The following CTNNA3 variants were observed in gnomAD, a reference collection of about 807,000 sequenced individuals.
The protein encoded by CTNNA3 is catenin alpha 3, also known as catenin alpha-3.
CTNNA3 carries 76 observed loss-of-function variants against 95.7 expected under a neutral mutation model. That is an observed-to-expected ratio of 0.79 (90% CI 0.66 to 0.96). CTNNA3 has a LOEUF of 0.96. CTNNA3 is among the 40% of genes least tolerant of loss of function. CTNNA3 has a pLI of 0.00. For missense variants in CTNNA3, 1,191 were observed against 1,089.8 expected (o/e 1.09, Z -1.31); for synonymous variants, 431 against 374.4 (o/e 1.15, Z -1.74).
chr10:66,685,277 ATATATAAG>A (rs1847228498), intron 9 of CTNNA3, among the ~76,000 whole-genome samples: 5 of 51,446 alleles, frequency 9.7e-5, no homozygotes, highest in Admixed American at 3.2e-4. Flanking sequence ...ATATATACGT[ATATATAAG>A]TATATATATG....
intron 7 of CTNNA3, among the ~76,000 whole-genome samples, chr10:66,776,707 A>G (rs1217822433): frequency 3.3e-5 from 5 of 152,152 alleles, no homozygotes; most frequent in African/African-American, 1.2e-4. Flanking sequence ...CTGAAGTCCT[A>G]TCTACTCCTC....
intron 12 of CTNNA3, among the ~76,000 whole-genome samples, chr10:66,358,600 G>A (rs10997078): frequency 1.3e-5 from 2 of 152,290 alleles, no homozygotes; most frequent in East Asian, 3.9e-4. Context: ...GCCTGACCTA[G>A]TGGGAAAATC....
intron 7 of CTNNA3, among the ~76,000 whole-genome samples, chr10:67,087,865 C>A (rs1023008744): frequency 6.6e-6 from 1 of 151,920 alleles, no homozygotes; most frequent in African/African-American, 2.4e-5. Flanking sequence ...TTCATTCATT[C>A]AATAAATACA....
chr10:66,073,065 T>C (rs572071771), intron 14 of CTNNA3, among the ~76,000 whole-genome samples: 60 of 152,016 alleles, frequency 3.9e-4, no homozygotes, highest in African/African-American at 1.3e-3. Context: ...ATATGCAGAA[T>C]CTAAAAACGG....
chr10:66,504,210 C>G (rs1191208046), intron 11 of CTNNA3, among the ~76,000 whole-genome samples: 1 of 152,100 alleles, frequency 6.6e-6, no homozygotes, highest in African/African-American at 2.4e-5. Flanking sequence ...CCAGTCCTCT[C>G]CCTTTACCAG....
chr10:66,191,953 A>G (rs891839928), intron 13 of CTNNA3, among the ~76,000 whole-genome samples: 3 of 152,138 alleles, frequency 2.0e-5, no homozygotes, highest in African/African-American at 7.2e-5. Flanking sequence ...GAATGGGTTT[A>G]TCCTAAGTGA....
At chr10:66,082,874 T>C (rs537271845) in intron 14 of CTNNA3, among the ~76,000 whole-genome samples, 9 of 152,150 alleles carry the variant, frequency 5.9e-5, no homozygotes, top group Admixed American at 3.9e-4. Flanking sequence ...TTCTCATCTT[T>C]CCTGTGTGTT....
At chr10:67,498,738 C>T (rs896496440) in intron 5 of CTNNA3, among the ~76,000 whole-genome samples, 2 of 152,010 alleles carry the variant, frequency 1.3e-5, no homozygotes, top group Non-Finnish European at 2.9e-5. Context: ...CTCTGTTTGC[C>T]TATTATTGGC....
At chr10:66,747,267 G>A (rs1838924045) in intron 9 of CTNNA3, among the ~76,000 whole-genome samples, 1 of 152,120 alleles carries the variant, frequency 6.6e-6, no homozygotes, top group African/African-American at 2.4e-5. Flanking sequence ...CACTCAGTCT[G>A]TTAACAAGGT....
rs183634854 is a variant in CTNNA3, at chr10:66,422,529, C to T, written c.1532-43177G>A. 3.1e-3 allele frequency among the ~76,000 whole-genome samples: 472 copies of T among 149,902 alleles called. 2 individuals are homozygous for T. The highest frequency in any genetic ancestry group is 0.011 in the African/African-American group (454 of 39,834). ...TGATCTTTTTGTTTCTTTTTCAAAA[C>T]AAGAAGCTATTTTTTTTTCAAAACA... On this transcript the variant is annotated intron_variant, in intron 11 of 17. Transcript: ENST00000433211.
At chr10:66,767,015 T>G (rs1839887647) in intron 8 of CTNNA3, among the ~76,000 whole-genome samples, 1 of 152,222 alleles carries the variant, frequency 6.6e-6, no homozygotes, top group Non-Finnish European at 1.5e-5. Flanking sequence ...TCTGCTACAA[T>G]TAGTTCTTTT....
chr10:67,005,680 A>ATTTTTTTTTTTTTTTTT (rs1564825972), intron 7 of CTNNA3, among the ~76,000 whole-genome samples: 2 of 26,398 alleles, frequency 7.6e-5, no homozygotes, highest in African/African-American at 1.4e-4. Flanking sequence ...ATTTTACTCC[A>ATTTTTTTTTTTTTTTTT]TCTTTTTTTT....
rs560218608 is a variant in CTNNA3, at chr10:67,713,500, C to T, written c.-2+49934G>A. Among the ~76,000 whole-genome samples the T allele has an allele frequency of 5.9e-5, 9 of 152,290 alleles. No homozygotes were observed. In the East Asian group the frequency reaches 7.7e-4, roughly 13 times the overall value. On this transcript the variant is annotated intron_variant, in intron 1 of 17. Coordinates refer to the CTNNA3 transcript ENST00000684154. ...ACATGCACACATATGTTTATTGCAGCGCTATTCACAATAGCAAAGACTTGG... is the reference window on the plus strand; with the variant it reads ...ACATGCACACATATGTTTATTGCAGTGCTATTCACAATAGCAAAGACTTGG...
At chr10:66,340,588 A>G (rs1189526787) in intron 12 of CTNNA3, among the ~76,000 whole-genome samples, 1 of 151,780 alleles carries the variant, frequency 6.6e-6, no homozygotes, top group Non-Finnish European at 1.5e-5. Context: ...ATTCATTACT[A>G]CTAACCCTAT....
chr10:66,482,812 C>A (rs993689633), intron 11 of CTNNA3, among the ~76,000 whole-genome samples: 45 of 152,084 alleles, frequency 3.0e-4, no homozygotes, highest in Non-Finnish European at 7.4e-5. Context: ...AAAAACACAG[C>A]TCAGTTGGGA....
intron 10 of CTNNA3, among the ~76,000 whole-genome samples, chr10:66,605,136 A>T (rs1844073439): frequency 6.6e-6 from 1 of 152,176 alleles, no homozygotes; most frequent in Non-Finnish European, 1.5e-5. Context: ...GAGCTAAAAA[A>T]CACACTACAA....
chr10:67,702,112 C>A (rs1263904434), intron 1 of CTNNA3, among the ~76,000 whole-genome samples: 1 of 152,022 alleles, frequency 6.6e-6, no homozygotes, highest in East Asian at 1.9e-4. Flanking sequence ...GCAGGAGCAC[C>A]CAGATTCATA....
At chr10:65,984,078 T>C in intron 16 of CTNNA3, among the ~76,000 whole-genome samples, 1 of 151,308 alleles carries the variant, frequency 6.6e-6, no homozygotes, top group Non-Finnish European at 1.5e-5. Flanking sequence ...ATTTCAAATC[T>C]AATGTTAGTT....
intron 1 of CTNNA3, among the ~76,000 whole-genome samples, chr10:67,708,107 G>C (rs1404913281): frequency 6.6e-6 from 1 of 152,018 alleles, no homozygotes; most frequent in Non-Finnish European, 1.5e-5. Flanking sequence ...CATTAGCTTT[G>C]TTGCCTTGGT....
Sources: allele counts gnomAD v4.1 joint callset (sites outside exome capture counted in the v4.1 genomes callset), GRCh38; gene constraint gnomAD v4.1.1; transcripts MANE v1.5; gene names NCBI Gene and HGNC (gene_info 2026-07-23, HGNC 2026-07-21).